The following SMIM7 variants were observed in gnomAD, a reference collection of about 807,000 sequenced individuals.
The protein encoded by SMIM7 is UPF0608 protein C19orf42.
SMIM7 carries 12 observed loss-of-function variants against 13.3 expected under a neutral mutation model. The observed-to-expected ratio is 0.90, with a 90% CI of 0.58 to 1.46. The LOEUF is 1.46. Ranked by LOEUF, SMIM7 falls within the 40% of genes most tolerant of loss-of-function variation. The pLI is 0.00. For synonymous variants in SMIM7, 36 were observed against 35.8 expected (o/e 1.01, Z -0.02); for missense variants, 114 against 94.8 (o/e 1.20, Z -0.84).
chr19:16,658,936 T>C (rs908085332), intron 3 of SMIM7, among the ~76,000 whole-genome samples: 3 of 151,912 alleles, frequency 2.0e-5, no homozygotes, highest in Non-Finnish European at 2.9e-5. Context: ...AAGAAATAGA[T>C]GACAGAGGTA....
At chr19:16,655,662 C>T (rs1224889092) in intron 3 of SMIM7, among the ~76,000 whole-genome samples, 5 of 114,302 alleles carry the variant, frequency 4.4e-5, no homozygotes, top group African/African-American at 1.1e-4. Flanking sequence ...GCCTGGGTGA[C>T]ACAGCAAGAC....
intron 3 of SMIM7, 80 bp downstream of exon 3, chr19:16,659,315 G>C: frequency 3.7e-5 from 26 of 699,574 alleles, no homozygotes; most frequent in East Asian, 1.9e-4. Context: ...GAGAAAGAAA[G>C]AAAACGAAGG....
At chr19:16,652,963 T>A (rs1439014050) in intron 4 of SMIM7, 1 of 1,550,308 alleles carries the variant, frequency 6.5e-7, no homozygotes, top group Non-Finnish European at 8.7e-7. Context: ...TTTCTCAGCC[T>A]AATGAGAAAA....
intron 3 of SMIM7, chr19:16,655,253 T>C (rs542247511): frequency 2.2e-6 from 1 of 450,526 alleles, no homozygotes; most frequent in South Asian, 1.6e-5. Flanking sequence ...TCCCCTTGAA[T>C]GCCAAGGAAC....
intron 4 of SMIM7, 36 bp from the exon 5 acceptor site, chr19:16,647,297 T>C (rs773070360): frequency 6.2e-6 from 10 of 1,613,376 alleles, no homozygotes; most frequent in East Asian, 2.2e-5. Flanking sequence ...TCTGTGAGGA[T>C]AGGAGGTGAC....
intron 4 of SMIM7, among the ~76,000 whole-genome samples, chr19:16,632,089 C>T (rs1308493561): frequency 1.3e-5 from 2 of 151,752 alleles, no homozygotes; most frequent in African/African-American, 4.8e-5. Context: ...AGGATGGTCT[C>T]AAACTCCTGA....
At chr19:16,655,287 A>C (rs961588626) in intron 3 of SMIM7, 2 of 455,932 alleles carry the variant, frequency 4.4e-6, no homozygotes, top group Admixed American at 2.4e-5. Flanking sequence ...AGGGAAGGCA[A>C]TTTAGTACGT....
chr19:16,658,525 T>G (rs771650152), intron 3 of SMIM7, among the ~76,000 whole-genome samples: 3 of 152,126 alleles, frequency 2.0e-5, no homozygotes, highest in South Asian at 2.1e-4. Context: ...AGGCCCCACC[T>G]CCTCAGAGTC....
intron 3 of SMIM7, among the ~76,000 whole-genome samples, chr19:16,657,170 C>T (rs1340530821): frequency 6.6e-6 from 1 of 152,200 alleles, no homozygotes; most frequent in Non-Finnish European, 1.5e-5. Flanking sequence ...TATGGTATTA[C>T]AGTTAAGCCA....
At chr19:16,655,788 C>T (rs2086590388) in intron 3 of SMIM7, among the ~76,000 whole-genome samples, 1 of 151,124 alleles carries the variant, frequency 6.6e-6, no homozygotes, top group Non-Finnish European at 1.5e-5. Flanking sequence ...ACAGCATACA[C>T]AACACAAGCC....
intron 4 of SMIM7, among the ~76,000 whole-genome samples, chr19:16,635,494 G>A (rs2086351996): frequency 2.6e-5 from 4 of 152,002 alleles, no homozygotes; most frequent in Admixed American, 1.3e-4. Flanking sequence ...CAACTAGGAG[G>A]GTGGATCTGA....
At chr19:16,639,347 C>G (rs2086387506) in intron 4 of SMIM7, among the ~76,000 whole-genome samples, 1 of 152,148 alleles carries the variant, frequency 6.6e-6, no homozygotes. Context: ...TGGTCTCGAT[C>G]TCCTGACCTC....
In SMIM7 at chr19:16,653,087, G is replaced by C. The variant is rs768953353; in HGVS notation, c.212+948C>G. On this transcript the variant is annotated intron_variant, in intron 4 of 4. Transcript: ENST00000487416. ...CATTTAAACCATATTTTCCACCTCG[G>C]CAGATGCAGAAGAACTGGTGAGACG... The C allele has an allele frequency of 1.4e-5, 16 of 1,126,784 alleles. 1 individual carries two copies. The Admixed American group carries it at 1.5e-4, about 11-fold the overall frequency. 69.8% of individuals were successfully genotyped at this position (1,126,784 alleles called of 1,614,324 possible).
chr19:16,657,756 C>T lies in SMIM7; in HGVS notation c.121+1639G>A, dbSNP rs183091641. On this transcript the variant is annotated intron_variant, in intron 3 of 4. Transcript: ENST00000487416. ...TCTTCAAAATCTCAGCTCGGCCAGGCGTGGTAGCTCATGCCTGTGATCCCA... is the reference window on the plus strand; with the variant it reads ...TCTTCAAAATCTCAGCTCGGCCAGGTGTGGTAGCTCATGCCTGTGATCCCA... Among the ~76,000 whole-genome samples the T allele has an allele frequency of 8.5e-5, 13 of 152,308 alleles. No homozygotes were observed. The East Asian group carries it at 1.2e-3, about 14-fold the overall frequency.
In SMIM7 at chr19:16,650,027, T is replaced by C. The variant is rs1489180735; in HGVS notation, c.213-2766A>G. On this transcript the variant is annotated intron_variant, in intron 4 of 4. Coordinates refer to ENST00000487416, the MANE Select transcript of SMIM7 (RefSeq NM_024104.4). ...CGGTTTCTTTCTGTGTTGATGAAAA[T>C]GTTCTGAAATTGGATAGAGATAGCG... is the stretch of plus-strand genomic sequence containing the variant. 2.0e-5 allele frequency among the ~76,000 whole-genome samples: 3 copies of C among 152,128 alleles called. No homozygotes were observed. In the East Asian group the frequency reaches 5.8e-4, roughly 29 times the overall value.
At chr19:16,652,031 G>C (rs938026271) in intron 4 of SMIM7, among the ~76,000 whole-genome samples, 6 of 149,234 alleles carry the variant, frequency 4.0e-5, no homozygotes, top group African/African-American at 1.5e-4. Context: ...ACGAGAATGA[G>C]GGAAGCATGC....
At chr19:16,649,395 G>A (rs749627215) in intron 4 of SMIM7, among the ~76,000 whole-genome samples, 1 of 152,102 alleles carries the variant, frequency 6.6e-6, no homozygotes, top group Non-Finnish European at 1.5e-5. Flanking sequence ...GGACAACATG[G>A]TGAAACCCCG....
chr19:16,649,851 A>G (rs1457798458), intron 4 of SMIM7, among the ~76,000 whole-genome samples: 1 of 152,170 alleles, frequency 6.6e-6, no homozygotes, highest in Non-Finnish European at 1.5e-5. Flanking sequence ...CATGATGCTG[A>G]GTGAGAGGAG....
At chr19:16,659,324 G>C in intron 3 of SMIM7, 71 bp downstream of exon 3, 1 of 1,260,964 alleles carries the variant, frequency 7.9e-7, no homozygotes, top group East Asian at 2.3e-5. Context: ...AGAAAACGAA[G>C]GTAGGGCTTG....
Sources: gnomAD v4.1 joint callset for allele counts (sites outside exome capture counted in the v4.1 genomes callset) on GRCh38, gnomAD v4.1.1 for gene constraint, MANE v1.5 for transcripts, NCBI Gene and HGNC (gene_info 2026-07-23, HGNC 2026-07-21) for gene names.